The following GAS7 variants were observed in gnomAD, a reference collection of about 807,000 sequenced individuals.
The protein encoded by GAS7 is growth arrest-specific protein 7.
In GAS7, 28 loss-of-function variants were observed where a neutral mutation model predicts 71.1. The ratio of observed to expected loss-of-function variants is 0.39; its 90% CI spans 0.29 to 0.54. The LOEUF is 0.54. GAS7 is among the 20% of genes least tolerant of loss of function. GAS7 has a pLI of 0.62. For missense variants in GAS7, 436 were observed against 627.8 expected, an observed-to-expected ratio of 0.69 and a Z score of 3.27; for synonymous variants, 258 against 245.8, an observed-to-expected ratio of 1.05 and a Z score of -0.46.
intron 3 of GAS7, among the ~76,000 whole-genome samples, chr17:9,971,255 A>T (rs76665739): frequency 0.046 from 6,929 of 151,928 alleles, 364 homozygotes; most frequent in Admixed American, 0.1. Flanking sequence ...GAAAAAATTT[A>T]AAAAAAATTA....
At position 10,034,010 on chromosome 17, in the gene GAS7, A is replaced by C; in HGVS notation, c.184-14113T>G. The C allele has an allele frequency of 2.0e-5, 10 of 490,782 alleles. No individual in the cohort carries two copies. Among genetic ancestry groups the C allele is most frequent in the South Asian group, 8.8e-5 (1 of 11,374 alleles). 30.4% of individuals were successfully genotyped at this position (490,782 alleles called of 1,614,324 possible). ...CTCAGTAAGGGGTGCAATTCTCACC[A>C]ACCCGATTCAACTAACATTTCTGGA... On this transcript the variant is annotated intron_variant, in intron 1 of 13. Coordinates refer to ENST00000432992, the MANE Select transcript of GAS7 (RefSeq NM_201433.2). This position sits in a 1 kb window ranked among gnomAD's most constrained non-coding sequence, Gnocchi z 4.4.
chr17:10,155,093 C>A (rs551290700), intron 1 of GAS7, among the ~76,000 whole-genome samples: 2 of 151,916 alleles, frequency 1.3e-5, no homozygotes, highest in Admixed American at 1.3e-4. Flanking sequence ...CGGCTCACTG[C>A]GACCTCCGCC....
At chr17:10,170,977 C>G (rs2074331620) in intron 1 of GAS7, among the ~76,000 whole-genome samples, 1 of 152,156 alleles carries the variant, frequency 6.6e-6, no homozygotes, top group Non-Finnish European at 1.5e-5. Flanking sequence ...CCACTGGGAT[C>G]AATTGTCTTC....
intron 4 of GAS7, among the ~76,000 whole-genome samples, chr17:9,968,634 C>T (rs2069823175): frequency 6.6e-6 from 1 of 152,188 alleles, no homozygotes; most frequent in Non-Finnish European, 1.5e-5. Context: ...GCCAATGGGT[C>T]TCCAGATGTT....
intron 2 of GAS7, among the ~76,000 whole-genome samples, chr17:10,019,344 C>A (rs947254780): frequency 2.0e-5 from 3 of 152,140 alleles, no homozygotes; most frequent in Admixed American, 2.0e-4. Context: ...GCATTTGCAA[C>A]CCCTGTATTG....
In GAS7 at chr17:9,915,437, G is replaced by A. The variant is rs1445406382; in HGVS notation, c.*1791C>T. ...CCCAACCCCAGATCTGGACAGAGTGGTTCTCCATCCCATGGACAGATCCTA... is the reference window on the plus strand; with the variant it reads ...CCCAACCCCAGATCTGGACAGAGTGATTCTCCATCCCATGGACAGATCCTA... On this transcript the variant is annotated 3_prime_UTR_variant, in exon 14 of 14. Coordinates refer to ENST00000432992, the MANE Select transcript of GAS7 (RefSeq NM_201433.2). 4.3e-6 allele frequency: 1 copy of A among 230,134 alleles called. No individual in the cohort carries two copies. Among genetic ancestry groups the A allele is most frequent in the Non-Finnish European group, 8.6e-6 (1 of 115,940 alleles). The allele number at this position is 230,134 out of a possible 1,614,324, so 14.3% of individuals were successfully genotyped here.
At chr17:10,035,294 A>C (rs2072720958) in intron 1 of GAS7, among the ~76,000 whole-genome samples, 1 of 152,124 alleles carries the variant, frequency 6.6e-6, no homozygotes, top group Non-Finnish European at 1.5e-5. Flanking sequence ...TCACAGCAGC[A>C]AATCTCCAAG....
intron 9 of GAS7, among the ~76,000 whole-genome samples, chr17:9,929,295 C>T (rs375549468): frequency 2.6e-5 from 4 of 152,012 alleles, no homozygotes; most frequent in African/African-American, 9.7e-5. Flanking sequence ...TTTCCTGGAC[C>T]CCAGCCCCAG....
chr17:10,120,837 A>G (rs935050374), intron 1 of GAS7, among the ~76,000 whole-genome samples: 4 of 152,138 alleles, frequency 2.6e-5, no homozygotes, highest in African/African-American at 4.8e-5. Context: ...GCAGGCTGCT[A>G]GGGGGAGGGA....
chr17:9,996,630 T>C (rs993767554), intron 2 of GAS7, among the ~76,000 whole-genome samples: 15 of 150,830 alleles, frequency 9.9e-5, no homozygotes, highest in Admixed American at 2.0e-4. Context: ...CACATATATA[T>C]ATATTTTTTA....
chr17:9,995,558 A>C (rs1004494737), intron 2 of GAS7, among the ~76,000 whole-genome samples: 1 of 147,966 alleles, frequency 6.8e-6, no homozygotes, highest in African/African-American at 2.5e-5. Flanking sequence ...AAAAAAAAAG[A>C]TACTCATTCT....
At chr17:10,093,852 C>T (rs1378042682) in intron 1 of GAS7, among the ~76,000 whole-genome samples, 8 of 152,080 alleles carry the variant, frequency 5.3e-5, no homozygotes, top group South Asian at 2.1e-4. Flanking sequence ...TATTTCAATA[C>T]GTGTTATTGA....
At chr17:10,043,521 C>T (rs1181118914) in intron 1 of GAS7, among the ~76,000 whole-genome samples, 3 of 152,210 alleles carry the variant, frequency 2.0e-5, no homozygotes, top group African/African-American at 7.2e-5. Context: ...GACTAGAAGC[C>T]TTAGCGATAA....
At chr17:10,010,630 T>G (rs1246343613) in intron 2 of GAS7, among the ~76,000 whole-genome samples, 1 of 152,242 alleles carries the variant, frequency 6.6e-6, no homozygotes, top group Non-Finnish European at 1.5e-5. Context: ...CAAAAATGCA[T>G]GTATTACACC....
chr17:9,994,609 A>G (rs908154190), intron 2 of GAS7, among the ~76,000 whole-genome samples: 1 of 150,492 alleles, frequency 6.6e-6, no homozygotes, highest in African/African-American at 2.5e-5. Flanking sequence ...ACCATTCAGG[A>G]CATAGGCATG....
chr17:9,936,048 C>G (rs987035540), intron 8 of GAS7, among the ~76,000 whole-genome samples: 2 of 152,174 alleles, frequency 1.3e-5, no homozygotes, highest in Admixed American at 1.3e-4. Flanking sequence ...ATGGGGGAAA[C>G]AGATGATCTT....
At chr17:10,155,015 ACT>A (rs1296849202) in intron 1 of GAS7, among the ~76,000 whole-genome samples, 1 of 139,810 alleles carries the variant, frequency 7.2e-6, no homozygotes, top group East Asian at 2.1e-4. Context: ...TAAACCAATA[ACT>A]CTTTTTTTTT....
At chr17:9,988,618 C>T (rs893605711) in intron 2 of GAS7, among the ~76,000 whole-genome samples, 26 of 151,968 alleles carry the variant, frequency 1.7e-4, no homozygotes, top group African/African-American at 6.0e-4. Flanking sequence ...AGCCAGGAGG[C>T]GGAGGTTGTG....
chr17:10,152,197 G>A (rs1468086), intron 1 of GAS7, among the ~76,000 whole-genome samples: 108,941 of 151,970 alleles, frequency 0.72, 39,478 homozygotes, highest in African/African-American at 0.82. Context: ...TGGTTGACAA[G>A]CCCCACCAAA....
Sources: allele counts gnomAD v4.1 joint callset (sites outside exome capture counted in the v4.1 genomes callset), GRCh38; gene constraint gnomAD v4.1.1; non-coding constraint Gnocchi (gnomAD v3.1); transcripts MANE v1.5; gene names NCBI Gene and HGNC (gene_info 2026-07-23, HGNC 2026-07-21).